VSIG10: variants seen among roughly 807,000 people sequenced by gnomAD.
VSIG10 encodes the protein V-set and immunoglobulin domain-containing protein 10.
A neutral mutation model predicts 58.7 loss-of-function variants in VSIG10; 48 were observed. That is an observed-to-expected ratio of 0.82 (90% CI 0.65 to 1.04). VSIG10 has a LOEUF of 1.04. VSIG10 is among the 50% of genes least tolerant of loss of function. The pLI, the probability that VSIG10 is intolerant of heterozygous loss-of-function variation, is 0.00. For synonymous variants in VSIG10, 260 were observed against 267.1 expected, an observed-to-expected ratio of 0.97 and a Z score of 0.26; for missense variants, 628 against 670.0, an observed-to-expected ratio of 0.94 and a Z score of 0.69.
At chr12:118,081,893 G>A (rs750360183) in intron 3 of VSIG10, among the ~76,000 whole-genome samples, 22 of 152,070 alleles carry the variant, frequency 1.4e-4, no homozygotes, top group Non-Finnish European at 2.8e-4. Context: ...GCCCATGCCT[G>A]TAATCCCAGC....
intron 4 of VSIG10, among the ~76,000 whole-genome samples, chr12:118,078,108 T>C (rs1292919069): frequency 6.6e-6 from 1 of 152,216 alleles, no homozygotes; most frequent in Non-Finnish European, 1.5e-5. Context: ...GGTGTTTGGG[T>C]AAGTGAATTC....
chr12:118,069,891 G>A (rs890842751), intron 7 of VSIG10, among the ~76,000 whole-genome samples: 28 of 152,120 alleles, frequency 1.8e-4, no homozygotes, highest in Middle Eastern at 3.2e-3. Flanking sequence ...ACAGGGCTTG[G>A]GAATGGCACA....
chr12:118,073,759 T>G lies in VSIG10; in HGVS notation c.1159A>C (p.Ile387Leu), dbSNP rs770379918. 29 of 1,613,808 alleles carry G rather than the reference T, an allele frequency of 1.8e-5. No individual in the cohort carries two copies. The highest frequency in any genetic ancestry group is 4.0e-5 in the African/African-American group (3 of 74,908). Residue 387 changes from isoleucine (I) to leucine (L), a missense_variant, in exon 5 of 9, where the codon ATC becomes CTC. By Grantham distance (5) the Ile-to-Leu change is conservative. Coordinates refer to ENST00000359236, the MANE Select transcript of VSIG10 (RefSeq NM_019086.6). ...CCTACAGGGCTGTCAGCTCGGCAGA[T>G]GTAGTAGCCCTCATCCAGGTCCTGG... ...CSQDLDEGYY[I>L]CRADSPVGVR...
At chr12:118,081,384 T>C (rs2032942723) in intron 3 of VSIG10, among the ~76,000 whole-genome samples, 1 of 152,058 alleles carries the variant, frequency 6.6e-6, no homozygotes, top group Admixed American at 6.5e-5. Flanking sequence ...TGAAGTGCAG[T>C]GGCACATCTT....
At chr12:118,082,505 T>C (rs970903119) in intron 2 of VSIG10, 76 bp from the exon 3 acceptor site, 4 of 1,412,088 alleles carry the variant, frequency 2.8e-6, no homozygotes, top group Admixed American at 2.1e-5. Context: ...CTCTAATATA[T>C]AAATGAACAG....
intron 1 of VSIG10, 21 bp from the exon 2 acceptor site, chr12:118,095,835 C>G: frequency 6.3e-7 from 1 of 1,589,332 alleles, no homozygotes; most frequent in Non-Finnish European, 8.6e-7. Flanking sequence ...CAAGATCAGG[C>G]TGTTACTACC....
chr12:118,078,098 G>A (rs1262949492), intron 4 of VSIG10, among the ~76,000 whole-genome samples: 1 of 152,162 alleles, frequency 6.6e-6, no homozygotes, highest in Non-Finnish European at 1.5e-5. Context: ...CCTAATGGAA[G>A]GTGTTTGGGT....
At chr12:118,094,786 G>GAGTGCAGT (rs1452061352) in intron 2 of VSIG10, among the ~76,000 whole-genome samples, 1 of 151,644 alleles carries the variant, frequency 6.6e-6, no homozygotes, top group Non-Finnish European at 1.5e-5. Flanking sequence ...GCCCAAGCTG[G>GAGTGCAGT]AGTGCAGTAG....
At chr12:118,091,009 T>A (rs2033278016) in intron 2 of VSIG10, among the ~76,000 whole-genome samples, 1 of 151,960 alleles carries the variant, frequency 6.6e-6, no homozygotes, top group Non-Finnish European at 1.5e-5. Context: ...GTGGCACACA[T>A]CTGTAATCCC....
At chr12:118,083,566 G>A (rs1294494109) in intron 2 of VSIG10, among the ~76,000 whole-genome samples, 5 of 151,944 alleles carry the variant, frequency 3.3e-5, no homozygotes, top group African/African-American at 1.2e-4. Context: ...GCAACAGAGT[G>A]AGACTTCATC....
intron 2 of VSIG10, among the ~76,000 whole-genome samples, chr12:118,089,954 T>C (rs964245788): frequency 1.3e-5 from 2 of 152,176 alleles, no homozygotes; most frequent in African/African-American, 2.4e-5. Context: ...ACATTTTCCA[T>C]GTGCAAATGA....
rs558840039 is a variant in VSIG10 at position 118,068,431 on chromosome 12, C to T, written c.1513G>A (p.Ala505Thr). 20 of 1,613,792 alleles carry T rather than the reference C, an allele frequency of 1.2e-5. No individual in the cohort carries two copies. The highest frequency in any genetic ancestry group is 1.5e-5 in the Non-Finnish European group (18 of 1,179,870). The change falls in exon 8 of 9, where the codon GCC (alanine) becomes ACC (threonine). Residue 505 changes from alanine (A) to threonine (T), a missense_variant. Coordinates refer to ENST00000359236, the MANE Select transcript of VSIG10 (RefSeq NM_019086.6). ...PKQDHIHRVT[A>T]LVNGNIEQMG... ...TGTTCTATGTTCCCATTCACCAAGG[C>T]GGTCACTCTGTGAATGTGGTCCTGC...
intron 3 of VSIG10, 36 bp downstream of exon 3, chr12:118,082,091 G>T: frequency 3.1e-6 from 5 of 1,597,932 alleles, no homozygotes; most frequent in Non-Finnish European, 4.3e-6. Context: ...AAGGGTTAAG[G>T]GGAAGAAGCG....
intron 2 of VSIG10, among the ~76,000 whole-genome samples, chr12:118,092,306 C>T (rs900337042): frequency 6.6e-6 from 1 of 152,120 alleles, no homozygotes; most frequent in African/African-American, 2.4e-5. Flanking sequence ...CTCAAGCAAT[C>T]ATCCCGTCTC....
intron 2 of VSIG10, among the ~76,000 whole-genome samples, chr12:118,090,230 A>T (rs1256602916): frequency 6.6e-6 from 1 of 152,100 alleles, no homozygotes; most frequent in African/African-American, 2.4e-5. Flanking sequence ...GCTTGAACAC[A>T]GGGGGCGGAG....
chr12:118,098,390 T>C (rs565460182), intron 1 of VSIG10, among the ~76,000 whole-genome samples: 73 of 149,700 alleles, frequency 4.9e-4, no homozygotes, highest in African/African-American at 9.9e-4. Context: ...CCTCTCTCTC[T>C]GCCTCTCCAT....
rs143940126 is a variant in VSIG10 at position 118,101,522 on chromosome 12, C to T, written c.79+2071G>A. 1,028 of 152,270 alleles carry T rather than the reference C, an allele frequency of 6.8e-3. 16 individuals carry two copies. The highest frequency in any genetic ancestry group is 0.011 in the South Asian group (53 of 4,822). 9.4% of individuals were successfully genotyped at this position (152,270 alleles called of 1,614,324 possible). ...CAGAGGGTCCTTCTTGCCCCCCAAC[C>T]TTAAATGTACAATAGAGAACCGAAG... On this transcript the variant is annotated intron_variant, in intron 1 of 8. Transcript: ENST00000359236.
intron 5 of VSIG10, 91 bp downstream of exon 5, chr12:118,073,608 G>A (rs989413516): frequency 1.4e-6 from 2 of 1,450,592 alleles, no homozygotes; most frequent in South Asian, 1.4e-5. Flanking sequence ...AGTGACCCAT[G>A]TGTAGGGAGG....
At chr12:118,081,991 T>C (rs919920357) in intron 3 of VSIG10, 136 bp downstream of exon 3, 24 of 1,034,272 alleles carry the variant, frequency 2.3e-5, no homozygotes, top group Middle Eastern at 3.3e-4. Flanking sequence ...CACTCCAGCC[T>C]GGGCAAGAAG....
Sources: gnomAD v4.1 joint callset for allele counts (sites outside exome capture counted in the v4.1 genomes callset) on GRCh38, gnomAD v4.1.1 for gene constraint, MANE v1.5 for transcripts, NCBI Gene and HGNC (gene_info 2026-07-23, HGNC 2026-07-21) for gene names.